The following SENP7 variants were observed in gnomAD, a reference collection of about 807,000 sequenced individuals.
SENP7 encodes the protein SUMO specific peptidase 7.
Under a neutral mutation model 141.2 loss-of-function variants are expected in SENP7, and 64 were observed. The ratio of observed to expected loss-of-function variants is 0.45; its 90% confidence interval spans 0.37 to 0.56. SENP7 has a LOEUF of 0.56. Among genes scored for constraint, SENP7 ranks in the 20% least tolerant of loss-of-function variants. The pLI is 0.00. For synonymous variants in SENP7, 382 were observed against 426.4 expected (o/e 0.90, Z 1.28); for missense variants, 1,025 against 1,212.2 (o/e 0.85, Z 2.29).
At chr3:101,410,644 C>T (rs545194082) in intron 5 of SENP7, among the ~76,000 whole-genome samples, 5 of 151,906 alleles carry the variant, frequency 3.3e-5, no homozygotes, top group East Asian at 1.9e-4. Flanking sequence ...GTCAGGAGTT[C>T]GAGACCAGCT....
chr3:101,403,267 T>C (rs1211397185), intron 5 of SENP7, among the ~76,000 whole-genome samples: 1 of 152,246 alleles, frequency 6.6e-6, no homozygotes, highest in East Asian at 1.9e-4. Flanking sequence ...AATGGCACTA[T>C]GACTAAAACA....
intron 17 of SENP7, among the ~76,000 whole-genome samples, chr3:101,333,486 T>C (rs1028596037): frequency 2.0e-5 from 3 of 152,196 alleles, no homozygotes; most frequent in Admixed American, 6.5e-5. Flanking sequence ...ATCACACCAC[T>C]GCACTCTGGC....
chr3:101,503,695 C>T (rs940832831), intron 1 of SENP7, among the ~76,000 whole-genome samples: 1 of 152,190 alleles, frequency 6.6e-6, no homozygotes, highest in African/African-American at 2.4e-5. Context: ...CCTGTAATCC[C>T]AGCAGTTTGG....
intron 16 of SENP7, among the ~76,000 whole-genome samples, chr3:101,337,995 A>G (rs2107165651): frequency 6.6e-6 from 1 of 152,204 alleles, no homozygotes; most frequent in East Asian, 1.9e-4. Flanking sequence ...TCTACTAAAA[A>G]TACAAAAATT....
At chr3:101,459,887 T>C (rs62280732) in intron 3 of SENP7, among the ~76,000 whole-genome samples, 1,544 of 152,190 alleles carry the variant, frequency 0.01, 17 homozygotes, top group Non-Finnish European at 0.015. Flanking sequence ...TTCTATTTAA[T>C]AGCAATGAGA....
intron 4 of SENP7, among the ~76,000 whole-genome samples, chr3:101,455,938 T>C (rs2063338312): frequency 6.6e-6 from 1 of 152,134 alleles, no homozygotes; most frequent in Admixed American, 6.6e-5. Context: ...TCCAGAACTT[T>C]CAGTAGAGAA....
intron 4 of SENP7, chr3:101,457,862 T>C: frequency 2.0e-6 from 1 of 506,752 alleles, no homozygotes; most frequent in South Asian, 3.0e-5. Flanking sequence ...ATGTATGTTG[T>C]GAAGCATGCA....
chr3:101,489,359 G>C (rs1489598284), intron 3 of SENP7, among the ~76,000 whole-genome samples: 2 of 152,126 alleles, frequency 1.3e-5, no homozygotes, highest in African/African-American at 4.8e-5. Context: ...AAAAGACATG[G>C]AGTGTCAAGG....
intron 3 of SENP7, among the ~76,000 whole-genome samples, chr3:101,479,802 C>CAA (rs756242957): frequency 7.5e-4 from 64 of 85,838 alleles, no homozygotes; most frequent in African/African-American, 2.4e-3. Context: ...GAGACTCTGT[C>CAA]AAAAAAAAAA....
At chr3:101,417,191 T>G (rs1439173129) in intron 5 of SENP7, among the ~76,000 whole-genome samples, 1 of 152,016 alleles carries the variant, frequency 6.6e-6, no homozygotes, top group Admixed American at 6.5e-5. Context: ...TAGATAACAT[T>G]TTGAAAGAAT....
chr3:101,427,024 C>G (rs1361592263), intron 4 of SENP7, among the ~76,000 whole-genome samples: 10 of 152,156 alleles, frequency 6.6e-5, no homozygotes, highest in Non-Finnish European at 7.3e-5. Flanking sequence ...GATACAAAAA[C>G]TTGGCAGAGA....
At chr3:101,452,401 T>C (rs1408002009) in intron 4 of SENP7, among the ~76,000 whole-genome samples, 2 of 152,176 alleles carry the variant, frequency 1.3e-5, no homozygotes, top group African/African-American at 4.8e-5. Flanking sequence ...GAGCCCACAT[T>C]GCCAAGACAA....
intron 5 of SENP7, among the ~76,000 whole-genome samples, chr3:101,406,084 G>A (rs1465286511): frequency 6.6e-6 from 1 of 152,138 alleles, no homozygotes; most frequent in African/African-American, 2.4e-5. Flanking sequence ...CCATTACTGG[G>A]TATATACCCA....
intron 6 of SENP7, among the ~76,000 whole-genome samples, chr3:101,391,682 C>A (rs181468240): frequency 2.1e-4 from 32 of 152,302 alleles, no homozygotes; most frequent in Non-Finnish European, 3.8e-4. Context: ...AACACCAATT[C>A]TTCTCAAACC....
chr3:101,372,334 A>AG (rs1283982604), intron 6 of SENP7, among the ~76,000 whole-genome samples: 2 of 151,978 alleles, frequency 1.3e-5, no homozygotes, highest in African/African-American at 4.8e-5. Flanking sequence ...ATGTGTGTTT[A>AG]GGGGGAAAAA....
chr3:101,506,020 A>AT (rs61021808), intron 1 of SENP7, among the ~76,000 whole-genome samples: 2,534 of 141,170 alleles, frequency 0.018, 71 homozygotes, highest in African/African-American at 0.052. Flanking sequence ...TTATTCCATA[A>AT]TTTTTTTTTT....
At chr3:101,373,893 G>A (rs575217898) in intron 6 of SENP7, among the ~76,000 whole-genome samples, 50 of 151,982 alleles carry the variant, frequency 3.3e-4, no homozygotes, top group Non-Finnish European at 6.0e-4. Flanking sequence ...CCTCTTATAA[G>A]AAAAGGAAAT....
intron 5 of SENP7, among the ~76,000 whole-genome samples, chr3:101,417,157 G>A (rs2107655252): frequency 6.6e-6 from 1 of 152,168 alleles, no homozygotes; most frequent in Admixed American, 6.5e-5. Flanking sequence ...GCTCAAAAAA[G>A]TCAAAAGTGG....
chr3:101,348,103 A>G (rs2059517783), intron 12 of SENP7, 52 bp from the exon 13 acceptor site: 1 of 1,222,630 alleles, frequency 8.2e-7, no homozygotes, highest in Non-Finnish European at 1.1e-6. Context: ...TTAAGAATAC[A>G]CCACTTAAAC....
Sources: gnomAD v4.1 joint callset for allele counts (sites outside exome capture counted in the v4.1 genomes callset) on GRCh38, gnomAD v4.1.1 for gene constraint, MANE v1.5 for transcripts, NCBI Gene and HGNC (gene_info 2026-07-23, HGNC 2026-07-21) for gene names.